FNTB: variants seen among roughly 807,000 people sequenced by gnomAD.
The protein encoded by FNTB is protein farnesyltransferase subunit beta.
FNTB carries 27 observed loss-of-function variants against 59.4 expected under a neutral mutation model. The observed-to-expected ratio is 0.45, with a 90% confidence interval of 0.34 to 0.63. The LOEUF is 0.63. FNTB is among the 20% of genes least tolerant of loss of function. The pLI is 0.02. For synonymous variants in FNTB, 230 were observed against 220.7 expected, an observed-to-expected ratio of 1.04 and a Z score of -0.37; for missense variants, 449 against 559.6, an observed-to-expected ratio of 0.80 and a Z score of 1.99.
At chr14:64,987,336 G>C (rs1887989454) in intron 1 of FNTB, 2 of 580,282 alleles carry the variant, frequency 3.4e-6, no homozygotes. Context: ...GGCAGTAGCC[G>C]AGTCCCCTCT....
At position 65,011,989 on chromosome 14, in the gene FNTB, G is replaced by T. The variant is rs1462385910; in HGVS notation, c.210-328G>T. Among the ~76,000 whole-genome samples, 1 of 152,198 alleles carries T rather than the reference G, an allele frequency of 6.6e-6. No homozygotes were observed. Among genetic ancestry groups the T allele is most frequent in the Non-Finnish European group, 1.5e-5 (1 of 68,040 alleles). On this transcript the variant is annotated intron_variant, in intron 2 of 11. Coordinates refer to ENST00000246166, the MANE Select transcript of FNTB (RefSeq NM_002028.4). This position sits in a 1 kb window ranked among gnomAD's most constrained non-coding sequence, Gnocchi z 4.0. ...AAGATATCTGTTCTTAGATGCTGGA[G>T]GAAGTTTCTGGGTGGACTGTCATTG...
In FNTB at chr14:65,036,191, T is replaced by G. The variant is rs542006063; in HGVS notation, c.692+3495T>G. Among the ~76,000 whole-genome samples, 25 of 152,236 alleles carry G rather than the reference T, an allele frequency of 1.6e-4. No homozygotes were observed. The South Asian group carries it at 5.0e-3, about 30-fold the overall frequency. ...TTATTCCACTGCTCTGTGTCATAGT[T>G]TCCTTATATGTCAAGTGGTGGGATA... On this transcript the variant is annotated intron_variant, in intron 7 of 11. Transcript: ENST00000246166.
In FNTB at chr14:65,012,633, A is replaced by G. The variant is rs1013312627; in HGVS notation, c.282+244A>G. Among the ~76,000 whole-genome samples, 4 of 152,150 alleles carry G rather than the reference A, an allele frequency of 2.6e-5. No homozygotes were observed. Among genetic ancestry groups the G allele is most frequent in the African/African-American group, 4.8e-5 (2 of 41,426 alleles). Reference sequence around the variant, plus strand: ...GGATGGGGCTTTCTTCTGTTACTAGATGATGACTAAGGGGTTCACGTGCTT... The same window carrying G: ...GGATGGGGCTTTCTTCTGTTACTAGGTGATGACTAAGGGGTTCACGTGCTT... On this transcript the variant is annotated intron_variant, in intron 3 of 11. Transcript: ENST00000246166. The surrounding 1 kb of genome is among the most constrained non-coding windows in gnomAD (Gnocchi z 5.0).
chr14:65,031,900 G>A lies in FNTB; in HGVS notation c.606-710G>A, dbSNP rs150991563. Among the ~76,000 whole-genome samples the A allele has an allele frequency of 3.4e-3, 512 of 152,154 alleles. 1 individual carries two copies. The highest frequency in any genetic ancestry group is 0.012 in the African/African-American group (483 of 41,530). On this transcript the variant is annotated intron_variant, in intron 6 of 11. Coordinates refer to ENST00000246166, the MANE Select transcript of FNTB (RefSeq NM_002028.4). The surrounding 1 kb of genome is among the most constrained non-coding windows in gnomAD (Gnocchi z 4.6). ...CATACCACTGCACTCTAGCCTGGGC[G>A]ACAGAGTGAGACCCTGTCTCAATAA...
intron 1 of FNTB, among the ~76,000 whole-genome samples, chr14:64,995,044 A>G (rs1888341604): frequency 6.6e-6 from 1 of 152,176 alleles, no homozygotes; most frequent in South Asian, 2.1e-4. Flanking sequence ...GCTGTTTTCT[A>G]CTTTAAATTT....
intron 1 of FNTB, among the ~76,000 whole-genome samples, chr14:64,993,692 G>C (rs1173023290): frequency 1.3e-5 from 2 of 152,180 alleles, no homozygotes; most frequent in African/African-American, 2.4e-5. Flanking sequence ...ATAGGAAGCA[G>C]AGAAGTGATA....
At position 64,986,906 on chromosome 14, in the gene FNTB, T is replaced by C; in HGVS notation, c.-48T>C. The C allele has an allele frequency of 6.2e-7, 1 of 1,609,876 alleles. No homozygotes were observed. The highest frequency in any genetic ancestry group is 8.5e-7 in the Non-Finnish European group (1 of 1,176,356). ...CCCGCTCGAGTTTCAATGCGCGTTG[T>C]TGCTTAACGAAGCAGAGTCCTACAC... On this transcript the variant is annotated 5_prime_UTR_variant, in exon 1 of 12. Transcript: ENST00000246166.
At chr14:65,037,831 A>G (rs2062247962) in intron 7 of FNTB, among the ~76,000 whole-genome samples, 1 of 149,308 alleles carries the variant, frequency 6.7e-6, no homozygotes, top group African/African-American at 2.5e-5. Context: ...CCCAGGCTGG[A>G]GTGCGGTGGT....
chr14:65,050,851 T>C (rs1462820122), intron 9 of FNTB, among the ~76,000 whole-genome samples: 7 of 152,218 alleles, frequency 4.6e-5, no homozygotes. Flanking sequence ...GTCAGTCTAT[T>C]TGAAGAAAAT....
intron 8 of FNTB, among the ~76,000 whole-genome samples, chr14:65,041,680 G>T (rs1215118520): frequency 6.6e-6 from 1 of 152,160 alleles, no homozygotes; most frequent in African/African-American, 2.4e-5. Context: ...GTTGTACCCT[G>T]TAGACATGTA....
At chr14:65,024,831 C>T (rs1442955468) in intron 4 of FNTB, among the ~76,000 whole-genome samples, 1 of 152,142 alleles carries the variant, frequency 6.6e-6, no homozygotes, top group Non-Finnish European at 1.5e-5. Context: ...GTTGCCCAGG[C>T]TGGTCTTGAA....
chr14:65,032,572 C>T lies in FNTB; in HGVS notation c.606-38C>T, dbSNP rs755576920. On this transcript the variant is annotated intron_variant, in intron 6 of 11. Coordinates refer to ENST00000246166, the MANE Select transcript of FNTB (RefSeq NM_002028.4). This position sits in a 1 kb window ranked among gnomAD's most constrained non-coding sequence, Gnocchi z 5.0. ...GTTCACTGAGCCTCATTAGCTCTTC[C>T]GTAGAGCTTAATGTGTTTCCCGTTT... 42 of 1,606,324 alleles carry T rather than the reference C, an allele frequency of 2.6e-5. No homozygotes were observed. The highest frequency in any genetic ancestry group is 5.4e-5 in the African/African-American group (4 of 74,654).
chr14:65,024,230 T>C (rs7160037), intron 4 of FNTB, among the ~76,000 whole-genome samples: 37,696 of 152,078 alleles, frequency 0.25, 4,878 homozygotes, highest in Non-Finnish European at 0.3. Context: ...TGGCTGAACA[T>C]TGGAATCACG....
At chr14:65,002,785 G>A (rs932779295) in intron 1 of FNTB, among the ~76,000 whole-genome samples, 1 of 151,958 alleles carries the variant, frequency 6.6e-6, no homozygotes, top group Non-Finnish European at 1.5e-5. Flanking sequence ...TGAGGAGTTT[G>A]TTGATTGATT....
At chr14:65,008,495 A>G (rs1324205731) in intron 2 of FNTB, among the ~76,000 whole-genome samples, 2 of 152,240 alleles carry the variant, frequency 1.3e-5, no homozygotes, top group Admixed American at 1.3e-4. Flanking sequence ...AATGAACACA[A>G]ATATACAGTT....
At chr14:64,992,229 C>G (rs1016888126) in intron 1 of FNTB, among the ~76,000 whole-genome samples, 1 of 152,100 alleles carries the variant, frequency 6.6e-6, no homozygotes, top group Non-Finnish European at 1.5e-5. Context: ...TCCTGCATAT[C>G]AAAATTTCCC....
chr14:65,023,876 G>A lies in FNTB; in HGVS notation c.375-3577G>A, dbSNP rs1208720597. Among the ~76,000 whole-genome samples, 4 of 152,062 alleles carry A rather than the reference G, an allele frequency of 2.6e-5. No individual in the cohort carries two copies. The highest frequency in any genetic ancestry group is 3.2e-3 in the Middle Eastern group (1 of 316). On this transcript the variant is annotated intron_variant, in intron 4 of 11. Coordinates refer to ENST00000246166, the MANE Select transcript of FNTB (RefSeq NM_002028.4). This position sits in a 1 kb window ranked among gnomAD's most constrained non-coding sequence, Gnocchi z 4.1. ...AGCACTTTGGGAGGCCAAGGCGGGC[G>A]GATTGTCTGAGCTCGGGAGTTCGAG... is the stretch of plus-strand genomic sequence containing the variant.
At chr14:65,038,575 G>A (rs572872214) in intron 7 of FNTB, among the ~76,000 whole-genome samples, 12 of 151,786 alleles carry the variant, frequency 7.9e-5, no homozygotes, top group South Asian at 4.2e-4. Context: ...AAAATTAGCC[G>A]GGCGTGGTGG....
intron 8 of FNTB, among the ~76,000 whole-genome samples, chr14:65,043,834 A>G (rs2062411808): frequency 1.3e-5 from 1 of 77,606 alleles, no homozygotes; most frequent in Admixed American, 1.5e-4. Context: ...GTCTCAAAAA[A>G]AAAAAAAAAA....
Sources: gnomAD v4.1 joint callset for allele counts (sites outside exome capture counted in the v4.1 genomes callset) on GRCh38, gnomAD v4.1.1 for gene constraint, Gnocchi (gnomAD v3.1) non-coding constraint, MANE v1.5 for transcripts, NCBI Gene and HGNC (gene_info 2026-07-23, HGNC 2026-07-21) for gene names.